RPA3: variants seen among roughly 807,000 people sequenced by gnomAD.
RPA3 encodes replication protein A 14 kDa subunit.
In RPA3, 24 loss-of-function variants were observed where a neutral mutation model predicts 13.7. The ratio of observed to expected loss-of-function variants is 1.75; its 90% CI spans 1.27 to 2.46. The LOEUF is 2.46. RPA3 is among the 30% of genes most tolerant of loss of function. The probability of loss-of-function intolerance (pLI) is 0.00; values close to 1 mark genes in which losing one functional copy is unlikely to be tolerated. For synonymous variants in RPA3, 59 were observed against 51.2 expected, an observed-to-expected ratio of 1.15 and a Z score of -0.65; for missense variants, 183 against 151.0, an observed-to-expected ratio of 1.21 and a Z score of -1.11.
At chr7:7,717,680 T>G (rs1473961158) in intron 1 of RPA3, among the ~76,000 whole-genome samples, 1 of 152,146 alleles carries the variant, frequency 6.6e-6, no homozygotes, top group African/African-American at 2.4e-5. Flanking sequence ...CAGCATGGAG[T>G]ATTTGGAAAA....
intron 4 of RPA3, among the ~76,000 whole-genome samples, chr7:7,645,448 C>T (rs1221513342): frequency 6.6e-6 from 1 of 152,144 alleles, no homozygotes; most frequent in African/African-American, 2.4e-5. Flanking sequence ...ATATCTAGTT[C>T]CATATTTATG....
At chr7:7,684,955 A>G (rs1300327445) in intron 4 of RPA3, among the ~76,000 whole-genome samples, 2 of 152,200 alleles carry the variant, frequency 1.3e-5, no homozygotes, top group Admixed American at 6.5e-5. Flanking sequence ...TGTACATGGA[A>G]TTTCTCCTAC....
At chr7:7,651,663 T>C (rs949939393) in intron 4 of RPA3, among the ~76,000 whole-genome samples, 6 of 152,220 alleles carry the variant, frequency 3.9e-5, no homozygotes, top group African/African-American at 1.4e-4. Flanking sequence ...TTCTTGTTTC[T>C]GAGTCTGGTC....
chr7:7,646,057 C>T (rs530599580), intron 4 of RPA3, among the ~76,000 whole-genome samples: 1 of 152,158 alleles, frequency 6.6e-6, no homozygotes, highest in Non-Finnish European at 1.5e-5. Flanking sequence ...TTTGGGCCTC[C>T]AGCCCCATGG....
intron 1 of RPA3, among the ~76,000 whole-genome samples, chr7:7,716,277 C>T (rs1780900599): frequency 6.6e-6 from 1 of 152,122 alleles, no homozygotes; most frequent in Non-Finnish European, 1.5e-5. Context: ...TGGGAAGGAA[C>T]AATGCCAAGA....
Position 7,641,186 on chromosome 7 carries a change from A to G in RPA3, c.-757-11T>C, listed in dbSNP as rs1405667110. 6.6e-6 allele frequency: 1 copy of G among 152,148 alleles called. No individual in the cohort carries two copies. The highest frequency in any genetic ancestry group is 2.4e-5 in the African/African-American group (1 of 41,384). The allele number at this position is 152,148 out of a possible 1,614,324, so 9.4% of individuals were successfully genotyped here. On this transcript the variant is annotated splice_polypyrimidine_tract_variant and intron_variant, in intron 4 of 7. Coordinates refer to ENST00000223129, the MANE Select transcript of RPA3 (RefSeq NM_002947.5). ...CTCCACTTTCTCCACCTGTAAGAAG[A>G]GAGATTGATCCGATTACTTCTAAGA...
intron 4 of RPA3, among the ~76,000 whole-genome samples, chr7:7,668,235 A>G (rs1779519309): frequency 6.6e-6 from 1 of 152,132 alleles, no homozygotes; most frequent in South Asian, 2.1e-4. Context: ...TTTTACTTAC[A>G]CAATGTGAAT....
rs1330932604 is a variant in RPA3 at position 7,641,570 on chromosome 7, G to T, written c.-757-395C>A. On this transcript the variant is annotated intron_variant, in intron 4 of 7. Coordinates refer to ENST00000223129, the MANE Select transcript of RPA3 (RefSeq NM_002947.5). ...CTGCGAGACTCTGGAGGGCGATCTG[G>T]AGGTCTGGAAGATAACCGATTCCTG... is the stretch of plus-strand genomic sequence containing the variant. 2.0e-5 allele frequency: 3 copies of T among 152,334 alleles called. No individual in the cohort carries two copies. In the South Asian group the frequency reaches 6.2e-4, roughly 32 times the overall value. 9.4% of individuals were successfully genotyped at this position (152,334 alleles called of 1,614,324 possible). A position where few individuals can be genotyped will look rare whatever the true frequency, so the allele number is the denominator to read the frequency against.
At chr7:7,666,612 C>T (rs1009856566) in intron 4 of RPA3, among the ~76,000 whole-genome samples, 19 of 151,802 alleles carry the variant, frequency 1.3e-4, no homozygotes, top group African/African-American at 4.6e-4. Flanking sequence ...GGTCATTTTC[C>T]TTGTGGTGGT....
At chr7:7,665,239 A>G (rs960218005) in intron 4 of RPA3, among the ~76,000 whole-genome samples, 3 of 152,188 alleles carry the variant, frequency 2.0e-5, no homozygotes, top group Non-Finnish European at 2.9e-5. Context: ...GAAAAAAGAA[A>G]TATATTCTAG....
rs28912692 is a variant in RPA3, at chr7:7,708,433, C to T, written c.-1028+6742G>A. 6.8e-3 allele frequency among the ~76,000 whole-genome samples: 1,038 copies of T among 152,118 alleles called. 15 individuals carry two copies. Among genetic ancestry groups the T allele is most frequent in the African/African-American group, 0.024 (985 of 41,506 alleles). ...AAACAGTTACCCAAGTGTCAGTGAC[C>T]CTTATTCAATCACCCATGTATTTAT... On this transcript the variant is annotated intron_variant, in intron 2 of 7. Transcript: ENST00000223129.
At chr7:7,679,711 A>AATATAT (rs372324513) in intron 4 of RPA3, among the ~76,000 whole-genome samples, 7 of 128,468 alleles carry the variant, frequency 5.4e-5, no homozygotes, top group African/African-American at 2.2e-4. Flanking sequence ...TTTATAGATA[A>AATATAT]ATATATATAT....
chr7:7,695,610 C>T (rs754842933), intron 2 of RPA3, among the ~76,000 whole-genome samples: 8 of 152,148 alleles, frequency 5.3e-5, no homozygotes, highest in Admixed American at 3.3e-4. Flanking sequence ...GAATTTCTGG[C>T]AGTGGAATTT....
intron 4 of RPA3, among the ~76,000 whole-genome samples, chr7:7,667,067 G>A (rs28992771): frequency 0.059 from 8,914 of 152,182 alleles, 338 homozygotes; most frequent in Middle Eastern, 0.13. Context: ...CCTTGGCCCC[G>A]CAAAGTGCTG....
At chr7:7,650,448 C>G (rs75674445) in intron 4 of RPA3, among the ~76,000 whole-genome samples, 1,617 of 152,208 alleles carry the variant, frequency 0.011, 29 homozygotes, top group African/African-American at 0.036. Context: ...ATATTTTACT[C>G]TTGTAATGTC....
chr7:7,675,634 T>C (rs986429238), intron 4 of RPA3, among the ~76,000 whole-genome samples: 3 of 152,290 alleles, frequency 2.0e-5, no homozygotes, highest in South Asian at 2.1e-4. Context: ...ACCTAATTAC[T>C]CTAATATGCT....
At chr7:7,656,314 A>T (rs6964064) in intron 4 of RPA3, among the ~76,000 whole-genome samples, 101,502 of 150,874 alleles carry the variant, frequency 0.67, 34,803 homozygotes, top group East Asian at 0.88. Flanking sequence ...ATTTAAAAAA[A>T]TTTTTTTTTT....
intron 1 of RPA3, among the ~76,000 whole-genome samples, chr7:7,716,672 G>C (rs1442496104): frequency 6.6e-6 from 1 of 152,244 alleles, no homozygotes; most frequent in South Asian, 2.1e-4. Flanking sequence ...CGCGGCCGGC[G>C]CGGTGGCTCA....
rs142391553 is a variant in RPA3, at chr7:7,689,180, C to T, written c.-1027-1852G>A. Among the ~76,000 whole-genome samples the T allele has an allele frequency of 4.0e-3, 608 of 152,214 alleles. 2 individuals carry two copies. Among genetic ancestry groups the T allele is most frequent in the Non-Finnish European group, 5.1e-3 (348 of 68,004 alleles). On this transcript the variant is annotated intron_variant, in intron 2 of 7. Coordinates refer to ENST00000223129, the MANE Select transcript of RPA3 (RefSeq NM_002947.5). ...CCAGTGATTGGCTTAGGAATGGGCA[C>T]CCATCACATTTCTGACTGCGACATG... is the stretch of plus-strand genomic sequence containing the variant.
Sources: allele counts gnomAD v4.1 joint callset (sites outside exome capture counted in the v4.1 genomes callset), GRCh38; gene constraint gnomAD v4.1.1; transcripts MANE v1.5; gene names NCBI Gene and HGNC (gene_info 2026-07-23, HGNC 2026-07-21).